The following LPP variants were observed in gnomAD, a reference collection of about 807,000 sequenced individuals.
LPP encodes lipoma-preferred partner.
A neutral mutation model predicts 60.4 loss-of-function variants in LPP; 38 were observed. The ratio of observed to expected loss-of-function variants is 0.63; its 90% CI spans 0.49 to 0.83. The LOEUF is 0.83. Ranked by LOEUF, LPP falls within the 40% of genes least tolerant of loss-of-function variation. The pLI, the probability that LPP is intolerant of heterozygous loss-of-function variation, is 0.00. For missense variants in LPP, 902 were observed against 783.6 expected, an observed-to-expected ratio of 1.15 and a Z score of -1.80; for synonymous variants, 328 against 290.8, an observed-to-expected ratio of 1.13 and a Z score of -1.30.
chr3:188,420,126 A>G (rs1262794957), intron 4 of LPP, among the ~76,000 whole-genome samples: 1 of 152,100 alleles, frequency 6.6e-6, no homozygotes, highest in Non-Finnish European at 1.5e-5. Context: ...AAAATCCCAT[A>G]TAGCTCATGC....
intron 3 of LPP, among the ~76,000 whole-genome samples, chr3:188,362,100 G>C (rs992728755): frequency 6.6e-6 from 1 of 152,146 alleles, no homozygotes; most frequent in Non-Finnish European, 1.5e-5. Context: ...GAGGGTTTCC[G>C]TGGGCGTGAG....
At chr3:188,347,270 G>C (rs1578234644) in intron 3 of LPP, among the ~76,000 whole-genome samples, 2 of 152,258 alleles carry the variant, frequency 1.3e-5, no homozygotes, top group South Asian at 2.1e-4. Context: ...GGAATACAGA[G>C]AATGTGTACT....
intron 6 of LPP, among the ~76,000 whole-genome samples, chr3:188,603,560 G>A (rs752358417): frequency 1.3e-5 from 2 of 152,056 alleles, no homozygotes; most frequent in Admixed American, 6.6e-5. Context: ...CGTCTCAGGA[G>A]TAACTGTGAG....
intron 3 of LPP, among the ~76,000 whole-genome samples, chr3:188,372,113 G>T (rs1288599655): frequency 6.6e-6 from 1 of 151,864 alleles, no homozygotes; most frequent in African/African-American, 2.4e-5. Flanking sequence ...TCTCATATAA[G>T]GTAGAAAGCC....
At chr3:188,444,210 A>G (rs1399168969) in intron 4 of LPP, among the ~76,000 whole-genome samples, 1 of 151,350 alleles carries the variant, frequency 6.6e-6, no homozygotes, top group Non-Finnish European at 1.5e-5. Flanking sequence ...TCTACACAGC[A>G]TTGATATGGT....
intron 8 of LPP, among the ~76,000 whole-genome samples, chr3:188,744,980 C>T (rs1165894658): frequency 6.6e-6 from 1 of 151,990 alleles, no homozygotes; most frequent in Non-Finnish European, 1.5e-5. Context: ...ACTTAGAATG[C>T]TTTCCCCCTT....
chr3:188,278,576 G>T (rs1434091668), intron 2 of LPP, among the ~76,000 whole-genome samples: 1 of 152,086 alleles, frequency 6.6e-6, no homozygotes, highest in African/African-American at 2.4e-5. Flanking sequence ...TGACAAGCTA[G>T]GGACAGCTTG....
At chr3:188,546,955 C>G (rs1016743200) in intron 6 of LPP, among the ~76,000 whole-genome samples, 2 of 152,184 alleles carry the variant, frequency 1.3e-5, no homozygotes, top group African/African-American at 4.8e-5. Flanking sequence ...TTTCTCACAC[C>G]ACAAGGGACT....
Position 188,610,408 on chromosome 3 carries a change from G to A in LPP, c.1113+564G>A, listed in dbSNP as rs1400658330. Among the ~76,000 whole-genome samples the A allele has an allele frequency of 1.3e-5, 2 of 152,228 alleles. No homozygotes were observed. Among genetic ancestry groups the A allele is most frequent in the Non-Finnish European group, 2.9e-5 (2 of 68,042 alleles). On this transcript the variant is annotated intron_variant, in intron 7 of 11. Transcript: ENST00000617246. This position sits in a 1 kb window ranked among gnomAD's most constrained non-coding sequence, Gnocchi z 4.4. ...CCAGAACAAGTGGCCAAGGACCCAG[G>A]AAATGGGTGAGGCCAAGCAGGTCTA... is the stretch of plus-strand genomic sequence containing the variant.
chr3:188,796,292 G>C (rs1745324213), intron 9 of LPP, among the ~76,000 whole-genome samples: 1 of 152,194 alleles, frequency 6.6e-6, no homozygotes, highest in South Asian at 2.1e-4. Flanking sequence ...GAAGGCCAGT[G>C]TGGTCAGAGC....
At position 188,785,445 on chromosome 3, in the gene LPP, ATATATTC is replaced by A; in HGVS notation, c.1410+25164_1410+25170del. Among the ~76,000 whole-genome samples, 4 of 28,994 alleles carry A rather than the reference ATATATTC, an allele frequency of 1.4e-4. 1 individual carries two copies. The highest frequency in any genetic ancestry group is 5.7e-4 in the Admixed American group (1 of 1,754). 19.0% of individuals were successfully genotyped at this position (28,994 alleles called of 152,430 possible). On this transcript the variant is annotated intron_variant, in intron 9 of 11. Transcript: ENST00000617246. ...ATCATATATATATTCCATCATATAT[ATATATTC>A]CATCATATATATATATTCCATCATA... is the stretch of plus-strand genomic sequence containing the variant.
intron 3 of LPP, among the ~76,000 whole-genome samples, chr3:188,405,268 A>G (rs1217853021): frequency 6.6e-6 from 1 of 152,174 alleles, no homozygotes; most frequent in Admixed American, 6.5e-5. Context: ...CTGCAGATGG[A>G]TCATTTAAAA....
chr3:188,848,726 G>A (rs1007329263), intron 9 of LPP, among the ~76,000 whole-genome samples: 2 of 152,182 alleles, frequency 1.3e-5, no homozygotes, highest in Admixed American at 1.3e-4. Context: ...CCAGCACTTT[G>A]GGAGGCCGAG....
intron 1 of LPP, among the ~76,000 whole-genome samples, chr3:188,209,062 G>T (rs939733471): frequency 1.3e-5 from 2 of 152,068 alleles, no homozygotes; most frequent in Non-Finnish European, 2.9e-5. Context: ...CCAATTTTCA[G>T]GTGTAGAAAC....
chr3:188,242,638 C>T (rs758114966), intron 2 of LPP, among the ~76,000 whole-genome samples: 19 of 152,176 alleles, frequency 1.2e-4, no homozygotes, highest in Non-Finnish European at 2.4e-4. Context: ...AATCACTTCT[C>T]CTTTCTGGGT....
chr3:188,524,257 G>A (rs941670248), intron 5 of LPP, among the ~76,000 whole-genome samples: 4 of 152,148 alleles, frequency 2.6e-5, no homozygotes, highest in Admixed American at 6.5e-5. Context: ...TGGAATGTCC[G>A]TGTTCCTTCC....
At chr3:188,497,190 A>C (rs898579141) in intron 5 of LPP, among the ~76,000 whole-genome samples, 1 of 152,178 alleles carries the variant, frequency 6.6e-6, no homozygotes, top group East Asian at 1.9e-4. Context: ...AGGAGTGTGA[A>C]TCTATCCTAC....
At position 188,318,753 on chromosome 3, in the gene LPP, CTTTTTTTTT is replaced by C. The variant is rs10708836; in HGVS notation, c.-66-22895_-66-22887del. ...AAAAAATTGAAAAAAAATTATGATT[CTTTTTTTTT>C]TTTTTTTTTTTTTTGAGACGGAGTC... On this transcript the variant is annotated intron_variant, in intron 2 of 11. Transcript: ENST00000617246. Among the ~76,000 whole-genome samples the C allele has an allele frequency of 6.2e-5, 6 of 96,838 alleles. 1 individual carries two copies. The East Asian group carries it at 1.8e-3, about 29-fold the overall frequency. The allele number at this position is 96,838 out of a possible 152,430, so 63.5% of individuals were successfully genotyped here.
chr3:188,281,573 C>T (rs1742046323), intron 2 of LPP, among the ~76,000 whole-genome samples: 1 of 128,626 alleles, frequency 7.8e-6, no homozygotes. Flanking sequence ...CACTGCACTC[C>T]AGTCTGGGCA....
Sources: gnomAD v4.1 joint callset for allele counts (sites outside exome capture counted in the v4.1 genomes callset) on GRCh38, gnomAD v4.1.1 for gene constraint, Gnocchi (gnomAD v3.1) non-coding constraint, MANE v1.5 for transcripts, NCBI Gene and HGNC (gene_info 2026-07-23, HGNC 2026-07-21) for gene names.